The following NALCN variants were observed in gnomAD, a reference collection of about 807,000 sequenced individuals.
NALCN encodes sodium leak channel NALCN.
Under a neutral mutation model 225.3 loss-of-function variants are expected in NALCN, and 111 were observed. The observed-to-expected ratio is 0.49, with a 90% CI of 0.42 to 0.58. The LOEUF (loss-of-function observed/expected upper bound fraction) is 0.58, where lower values mean the gene tolerates loss of function less well. Ranked by LOEUF, NALCN falls within the 20% of genes least tolerant of loss-of-function variation. The probability of loss-of-function intolerance (pLI) is 0.00; values close to 1 mark genes in which losing one functional copy is unlikely to be tolerated. For synonymous variants in NALCN, 764 were observed against 769.0 expected (o/e 0.99, Z 0.11); for missense variants, 1,378 against 2,202.4 (o/e 0.63, Z 7.49).
chr13:101,112,354 T>C (rs1426182810), intron 18 of NALCN, among the ~76,000 whole-genome samples: 1 of 152,246 alleles, frequency 6.6e-6, no homozygotes, highest in Non-Finnish European at 1.5e-5. Flanking sequence ...TGTTAATTTC[T>C]GATTTGCTAA....
chr13:101,055,537 T>C (rs143545215), intron 43 of NALCN, 49 bp from the exon 44 acceptor site: 4 of 1,520,004 alleles, frequency 2.6e-6, no homozygotes, highest in African/African-American at 2.7e-5. Flanking sequence ...CTTCACCCTA[T>C]TGTAATCACT....
intron 27 of NALCN, among the ~76,000 whole-genome samples, chr13:101,096,092 A>G (rs2034487860): frequency 6.6e-6 from 1 of 152,156 alleles, no homozygotes; most frequent in Non-Finnish European, 1.5e-5. Context: ...AGGAATCGCA[A>G]TCCTCATACT....
chr13:101,391,141 T>C (rs1198886759), intron 3 of NALCN, among the ~76,000 whole-genome samples: 2 of 151,546 alleles, frequency 1.3e-5, no homozygotes, highest in Non-Finnish European at 2.9e-5. Flanking sequence ...ATCAACAAAA[T>C]GAGCAAACCA....
At chr13:101,400,665 T>C (rs1594786831) in intron 1 of NALCN, among the ~76,000 whole-genome samples, 1 of 151,934 alleles carries the variant, frequency 6.6e-6, no homozygotes, top group East Asian at 1.9e-4. Context: ...CAGCTCCGAA[T>C]CTGATTGCCT....
chr13:101,169,124 A>C (rs1031352727), intron 15 of NALCN, among the ~76,000 whole-genome samples: 2 of 152,110 alleles, frequency 1.3e-5, no homozygotes, highest in African/African-American at 4.8e-5. Flanking sequence ...TTTTTCTCCC[A>C]CTGGCTCAGG....
At chr13:101,397,077 TA>T (rs1173766736) in intron 2 of NALCN, among the ~76,000 whole-genome samples, 8 of 53,802 alleles carry the variant, frequency 1.5e-4, no homozygotes, top group East Asian at 1.3e-3. Context: ...TATATATATA[TA>T]TATATATATA....
intron 17 of NALCN, among the ~76,000 whole-genome samples, chr13:101,130,137 A>T (rs1344153001): frequency 2.6e-5 from 4 of 152,088 alleles, no homozygotes; most frequent in Admixed American, 6.6e-5. Flanking sequence ...GCTTTTCTAT[A>T]TGATATCTAT....
chr13:101,237,292 GTTTT>G (rs1178980349), intron 12 of NALCN, among the ~76,000 whole-genome samples: 1 of 152,028 alleles, frequency 6.6e-6, no homozygotes, highest in Non-Finnish European at 1.5e-5. Context: ...GTAAAGGTAA[GTTTT>G]ATAAACCTTT....
intron 10 of NALCN, among the ~76,000 whole-genome samples, chr13:101,259,330 T>A (rs1466931014): frequency 6.6e-6 from 1 of 151,116 alleles, no homozygotes; most frequent in Non-Finnish European, 1.5e-5. Context: ...TGAGTATTAT[T>A]TATTATTATT....
At chr13:101,073,077 C>G (rs576726990) in intron 37 of NALCN, among the ~76,000 whole-genome samples, 1 of 152,202 alleles carries the variant, frequency 6.6e-6, no homozygotes, top group African/African-American at 2.4e-5. Flanking sequence ...GGCAAAAGAC[C>G]TGTTTAAACT....
chr13:101,416,698 G>T (rs980586942), upstream of NALCN, among the ~76,000 whole-genome samples: 2 of 152,224 alleles, frequency 1.3e-5, no homozygotes, highest in African/African-American at 2.4e-5. Context: ...GGTACTGGCA[G>T]TTCCTTCTTG....
At position 101,147,354 on chromosome 13, in the gene NALCN, C is replaced by CT. The variant is rs34988610; in HGVS notation, c.1840-2459dup. ...ACTGCCTTTTTCTTCCTCTCTCTCT[C>CT]TTTTTTTTTTTTTTTTTTGAGATGG... On this transcript the variant is annotated intron_variant, in intron 15 of 43. Transcript: ENST00000251127. Among the ~76,000 whole-genome samples the CT allele has an allele frequency of 8.7e-3, 1,086 of 125,050 alleles. 14 individuals carry two copies. The highest frequency in any genetic ancestry group is 0.011 in the African/African-American group (357 of 33,370). The allele number at this position is 125,050 out of a possible 152,430, so 82.0% of individuals were successfully genotyped here.
chr13:101,390,164 C>T (rs796121704), intron 3 of NALCN, among the ~76,000 whole-genome samples: 2 of 151,792 alleles, frequency 1.3e-5, no homozygotes, highest in South Asian at 2.1e-4. Flanking sequence ...AGACTATAAT[C>T]GAATATGACA....
chr13:101,360,222 CTCTCTCTCCT>C (rs1279847276), intron 6 of NALCN, among the ~76,000 whole-genome samples: 19 of 141,806 alleles, frequency 1.3e-4, no homozygotes, highest in East Asian at 4.1e-4. Context: ...CTCTCTCTCT[CTCTCTCTCCT>C]TCCTTCCTTC....
intron 11 of NALCN, among the ~76,000 whole-genome samples, chr13:101,247,920 G>A (rs552797258): frequency 2.0e-5 from 3 of 152,142 alleles, no homozygotes; most frequent in African/African-American, 4.8e-5. Flanking sequence ...TGCAGTGTTC[G>A]GTTTTCTGTT....
intron 10 of NALCN, among the ~76,000 whole-genome samples, chr13:101,267,295 T>C (rs1467825103): frequency 6.6e-6 from 1 of 152,120 alleles, no homozygotes; most frequent in East Asian, 1.9e-4. Context: ...CAACACAAAC[T>C]AGATTTTAAC....
rs1175130149 is a variant in NALCN at position 101,292,551 on chromosome 13, G to A, written c.800-185C>T. On this transcript the variant is annotated intron_variant, in intron 7 of 43. Coordinates refer to ENST00000251127, the MANE Select transcript of NALCN (RefSeq NM_052867.4). This position sits in a 1 kb window ranked among gnomAD's most constrained non-coding sequence, Gnocchi z 4.3. Reference sequence around the variant, plus strand: ...TTAAAATTTTAATAAAGTTGTTTCTGACTTCAAGCCAGGGTAATTTCAACA... The same window carrying A: ...TTAAAATTTTAATAAAGTTGTTTCTAACTTCAAGCCAGGGTAATTTCAACA... Among the ~76,000 whole-genome samples the A allele has an allele frequency of 6.6e-6, 1 of 152,100 alleles. No individual in the cohort carries two copies. Among genetic ancestry groups the A allele is most frequent in the Non-Finnish European group, 1.5e-5 (1 of 68,030 alleles).
At chr13:101,291,487 C>T (rs1279798492) in intron 9 of NALCN, among the ~76,000 whole-genome samples, 1 of 152,176 alleles carries the variant, frequency 6.6e-6, no homozygotes, top group Non-Finnish European at 1.5e-5. Context: ...CATTACCTCA[C>T]TGCCTGGAAG....
intron 30 of NALCN, among the ~76,000 whole-genome samples, chr13:101,084,265 A>T (rs1485824443): frequency 6.6e-6 from 1 of 152,196 alleles, no homozygotes; most frequent in Non-Finnish European, 1.5e-5. Flanking sequence ...ATACAAAGTC[A>T]TAGAGTTTGC....
Sources: gnomAD v4.1 joint callset for allele counts (sites outside exome capture counted in the v4.1 genomes callset) on GRCh38, gnomAD v4.1.1 for gene constraint, Gnocchi (gnomAD v3.1) non-coding constraint, MANE v1.5 for transcripts, NCBI Gene and HGNC (gene_info 2026-07-23, HGNC 2026-07-21) for gene names.